Variants in CSMD3 observed in about 807,000 individuals in gnomAD.
CSMD3 encodes the protein CUB and sushi domain-containing protein 3.
Under a neutral mutation model 435.2 loss-of-function variants are expected in CSMD3, and 177 were observed. The observed-to-expected ratio is 0.41, with a 90% CI of 0.36 to 0.46. The LOEUF is 0.46. Among genes scored for constraint, CSMD3 ranks in the 20% least tolerant of loss-of-function variants. The pLI is 0.34. For synonymous variants in CSMD3, 1,656 were observed against 1,520.5 expected, an observed-to-expected ratio of 1.09 and a Z score of -2.07; for missense variants, 4,265 against 4,504.6, an observed-to-expected ratio of 0.95 and a Z score of 1.52.
chr8:112,463,680 T>C (rs1000563748), intron 32 of CSMD3, among the ~76,000 whole-genome samples: 1 of 152,194 alleles, frequency 6.6e-6, no homozygotes, highest in Non-Finnish European at 1.5e-5. Flanking sequence ...CTTATCTGTG[T>C]ACTTTATAAT....
intron 2 of CSMD3, among the ~76,000 whole-genome samples, chr8:113,303,744 C>G (rs1164026663): frequency 1.5e-5 from 2 of 134,746 alleles, no homozygotes; most frequent in Non-Finnish European, 3.2e-5. Flanking sequence ...TTCCTTACAC[C>G]TTATACAAAA....
At chr8:112,342,695 C>T (rs909392027) in intron 41 of CSMD3, among the ~76,000 whole-genome samples, 3 of 152,014 alleles carry the variant, frequency 2.0e-5, no homozygotes, top group Non-Finnish European at 4.4e-5. Flanking sequence ...TACACTGGGG[C>T]TCTGAGTAAA....
At chr8:113,388,549 G>A (rs1357541196) in intron 1 of CSMD3, among the ~76,000 whole-genome samples, 1 of 151,300 alleles carries the variant, frequency 6.6e-6, no homozygotes, top group Non-Finnish European at 1.5e-5. Flanking sequence ...AAAAATTTTT[G>A]TTTGCAGCAA....
At chr8:112,874,895 T>C (rs566404119) in intron 10 of CSMD3, among the ~76,000 whole-genome samples, 5 of 152,276 alleles carry the variant, frequency 3.3e-5, no homozygotes, top group African/African-American at 7.2e-5. Flanking sequence ...TGTCTTTTAA[T>C]TGGGGCACTC....
intron 1 of CSMD3, among the ~76,000 whole-genome samples, chr8:113,409,459 A>G (rs572303856): frequency 1.1e-4 from 17 of 152,158 alleles, no homozygotes; most frequent in South Asian, 4.1e-4. Context: ...TTTATTCTCC[A>G]TGAAGCTTGA....
At chr8:112,902,652 A>G (rs532129066) in intron 10 of CSMD3, among the ~76,000 whole-genome samples, 1 of 151,338 alleles carries the variant, frequency 6.6e-6, no homozygotes, top group South Asian at 2.1e-4. Context: ...TCATTCTTAT[A>G]TCTCTGGTCA....
chr8:112,871,884 C>A (rs1284839588), intron 10 of CSMD3, among the ~76,000 whole-genome samples: 1 of 151,900 alleles, frequency 6.6e-6, no homozygotes, highest in Non-Finnish European at 1.5e-5. Flanking sequence ...ACAATTTAAC[C>A]ACAAAAATAA....
At chr8:112,504,033 T>C in intron 29 of CSMD3, 56 bp from the exon 30 acceptor site, 1 of 1,123,114 alleles carries the variant, frequency 8.9e-7, no homozygotes, top group South Asian at 1.3e-5. Context: ...TAATTATTAT[T>C]AGGCTGTTAA....
intron 17 of CSMD3, among the ~76,000 whole-genome samples, chr8:112,656,689 A>G (rs886795993): frequency 2.6e-5 from 4 of 152,158 alleles, no homozygotes; most frequent in African/African-American, 9.6e-5. Context: ...TATGTGGTTT[A>G]CATTTATTTT....
chr8:112,361,597 AT>A (rs1827230993), intron 38 of CSMD3, among the ~76,000 whole-genome samples: 1 of 130,486 alleles, frequency 7.7e-6, no homozygotes, highest in African/African-American at 2.7e-5. Flanking sequence ...ATATATATAT[AT>A]ATATATATAT....
intron 10 of CSMD3, among the ~76,000 whole-genome samples, chr8:112,890,166 T>C (rs989608217): frequency 6.6e-6 from 1 of 151,608 alleles, no homozygotes; most frequent in Admixed American, 6.6e-5. Flanking sequence ...CAGGGAGAAA[T>C]AAAACATCAG....
chr8:113,201,342 C>T (rs2132031956), intron 3 of CSMD3, among the ~76,000 whole-genome samples: 1 of 151,902 alleles, frequency 6.6e-6, no homozygotes, highest in South Asian at 2.1e-4. Flanking sequence ...TCCTCATGGG[C>T]TTACAGTCAA....
chr8:112,559,940 T>C (rs891404440), intron 24 of CSMD3, among the ~76,000 whole-genome samples: 2 of 151,680 alleles, frequency 1.3e-5, no homozygotes, highest in African/African-American at 4.8e-5. Flanking sequence ...ACAAAAATGC[T>C]GGAGAAAAAA....
At chr8:112,391,988 A>G (rs930111894) in intron 35 of CSMD3, among the ~76,000 whole-genome samples, 1 of 152,118 alleles carries the variant, frequency 6.6e-6, no homozygotes, top group African/African-American at 2.4e-5. Flanking sequence ...GTTCTTTACA[A>G]TCTCTGAAAC....
At chr8:112,248,636 C>A (rs576035568) in intron 63 of CSMD3, among the ~76,000 whole-genome samples, 2 of 152,048 alleles carry the variant, frequency 1.3e-5, no homozygotes, top group Non-Finnish European at 2.9e-5. Context: ...AATTCCTACC[C>A]CCTCTTGAGC....
chr8:112,938,890 G>C (rs1359374477), intron 9 of CSMD3, among the ~76,000 whole-genome samples: 2 of 152,096 alleles, frequency 1.3e-5, no homozygotes. Context: ...TTACTGCTAA[G>C]TATAGGAACT....
intron 31 of CSMD3, 109 bp from the exon 32 acceptor site, chr8:112,472,816 A>G (rs1402229303): frequency 1.5e-6 from 1 of 688,142 alleles, no homozygotes; most frequent in Non-Finnish European, 2.6e-6. Context: ...TTTAAGGTGT[A>G]TAATTTATTT....
intron 13 of CSMD3, among the ~76,000 whole-genome samples, chr8:112,713,587 T>C (rs941982584): frequency 6.6e-6 from 1 of 151,782 alleles, no homozygotes; most frequent in Non-Finnish European, 1.5e-5. Context: ...ACCACTAAGG[T>C]ACTACATGAG....
intron 32 of CSMD3, among the ~76,000 whole-genome samples, chr8:112,441,731 T>G (rs565253299): frequency 2.6e-5 from 4 of 152,114 alleles, no homozygotes; most frequent in Admixed American, 2.6e-4. Context: ...AAGTTCAGAG[T>G]GAAGGGGGAA....
Sources: allele counts gnomAD v4.1 joint callset (sites outside exome capture counted in the v4.1 genomes callset), GRCh38; gene constraint gnomAD v4.1.1; transcripts MANE v1.5; gene names NCBI Gene and HGNC (gene_info 2026-07-23, HGNC 2026-07-21).